PTCHD4: variants seen among roughly 807,000 people sequenced by gnomAD.
PTCHD4 encodes the protein patched domain containing 4, also known as patched domain-containing protein 4.
Under a neutral mutation model 58.1 loss-of-function variants are expected in PTCHD4, and 33 were observed. The observed-to-expected ratio is 0.57, with a 90% CI of 0.43 to 0.76. The LOEUF is 0.76. PTCHD4 is among the 30% of genes least tolerant of loss of function. PTCHD4 has a pLI of 0.00. For synonymous variants in PTCHD4, 478 were observed against 409.6 expected (o/e 1.17, Z -2.02); for missense variants, 1,058 against 1,027.1 (o/e 1.03, Z -0.41).
chr6:48,068,360 C>G lies in PTCHD4; in HGVS notation c.287G>C (p.Ser96Thr). Residue 96 changes from serine (S) to threonine (T), a missense_variant, in exon 3 of 5, where the codon AGC (serine) becomes ACC (threonine). Physicochemically the swap from Ser to Thr is moderately conservative, Grantham distance 58 (BLOSUM62 1). Coordinates refer to ENST00000339488, the MANE Select transcript of PTCHD4 (RefSeq NM_001384253.1). This position sits in a 1 kb window ranked among gnomAD's most constrained non-coding sequence, Gnocchi z 4.2. ...GGTGTGTAAGTCCGAATAGAGCTGG[C>G]TTTTGGACTGGTCCAGGGGGAAAAG... ...SSLFPLDQSK[S>T]QLYSDLHTPG... is the part of the protein sequence containing the mutation. 1 of 1,613,976 alleles carries G rather than the reference C, an allele frequency of 6.2e-7. No homozygotes were observed. The highest frequency in any genetic ancestry group is 8.5e-7 in the Non-Finnish European group (1 of 1,179,882).
In PTCHD4 at chr6:48,007,627, T is replaced by C. The variant is rs148407222; in HGVS notation, c.898+1007A>G. On this transcript the variant is annotated intron_variant, in intron 4 of 4. Coordinates refer to ENST00000339488, the MANE Select transcript of PTCHD4 (RefSeq NM_001384253.1). ...AATATATAATTGTCTGTTTTCCTCATAGATCTTTCCATTACCTAATTAGTT... is the reference window on the plus strand; with the variant it reads ...AATATATAATTGTCTGTTTTCCTCACAGATCTTTCCATTACCTAATTAGTT... Among the ~76,000 whole-genome samples, 231 of 152,336 alleles carry C rather than the reference T, an allele frequency of 1.5e-3. 4 individuals carry two copies. Among genetic ancestry groups the C allele is most frequent in the African/African-American group, 5.3e-3 (221 of 41,588 alleles).
At chr6:47,935,948 G>A (rs994809356) in intron 4 of PTCHD4, among the ~76,000 whole-genome samples, 6 of 152,308 alleles carry the variant, frequency 3.9e-5, no homozygotes, top group Middle Eastern at 3.4e-3. Context: ...ATCACATAGG[G>A]TGATAAGGTG....
At chr6:47,899,458 T>C (rs572581887) in intron 4 of PTCHD4, among the ~76,000 whole-genome samples, 1 of 152,320 alleles carries the variant, frequency 6.6e-6, no homozygotes, top group South Asian at 2.1e-4. Context: ...GAATGTTGTA[T>C]AGCTGTTGAA....
At chr6:48,103,126 T>G (rs910464352) in intron 1 of PTCHD4, among the ~76,000 whole-genome samples, 3 of 152,188 alleles carry the variant, frequency 2.0e-5, no homozygotes, top group African/African-American at 7.2e-5. Flanking sequence ...AGCATGCAGC[T>G]TGAGATCTGA....
At chr6:47,980,655 A>G (rs1767853880) in intron 4 of PTCHD4, among the ~76,000 whole-genome samples, 1 of 151,992 alleles carries the variant, frequency 6.6e-6, no homozygotes, top group Non-Finnish European at 1.5e-5. Flanking sequence ...ACTTTGCATG[A>G]AATTTTATTT....
At chr6:47,981,300 C>T (rs973674106) in intron 4 of PTCHD4, among the ~76,000 whole-genome samples, 5 of 151,976 alleles carry the variant, frequency 3.3e-5, no homozygotes, top group Non-Finnish European at 7.4e-5. Context: ...AATATGTTTT[C>T]GCTCTTGTTT....
chr6:47,969,930 A>G (rs1767439698), intron 4 of PTCHD4, among the ~76,000 whole-genome samples: 1 of 152,202 alleles, frequency 6.6e-6, no homozygotes, highest in Non-Finnish European at 1.5e-5. Flanking sequence ...AATACCGTCA[A>G]ATATAACCAA....
chr6:48,033,121 T>C (rs1763510195), intron 3 of PTCHD4, among the ~76,000 whole-genome samples: 1 of 152,116 alleles, frequency 6.6e-6, no homozygotes, highest in Non-Finnish European at 1.5e-5. Flanking sequence ...TACATGAAAT[T>C]CAAAAATTTG....
Position 47,888,238 on chromosome 6 carries a change from T to A in PTCHD4, c.899-8302A>T, listed in dbSNP as rs7747781. 6.9e-3 allele frequency among the ~76,000 whole-genome samples: 1,046 copies of A among 152,032 alleles called. 7 individuals carry two copies. The highest frequency in any genetic ancestry group is 0.026 in the South Asian group (123 of 4,802). Reference sequence around the variant, plus strand: ...CGGGTGTGGTGGTGGGCGCCTATAGTCCCAGCTACTTGGGAGGCTGAGGCA... The same window carrying A: ...CGGGTGTGGTGGTGGGCGCCTATAGACCCAGCTACTTGGGAGGCTGAGGCA... On this transcript the variant is annotated intron_variant, in intron 4 of 4. Coordinates refer to ENST00000339488, the MANE Select transcript of PTCHD4 (RefSeq NM_001384253.1).
At chr6:48,057,760 G>A (rs1049374352) in intron 3 of PTCHD4, among the ~76,000 whole-genome samples, 2 of 152,208 alleles carry the variant, frequency 1.3e-5, no homozygotes, top group African/African-American at 4.8e-5. Context: ...AAACTACAAG[G>A]GAACTTGAAG....
chr6:48,082,387 T>A (rs1461608877), intron 1 of PTCHD4, among the ~76,000 whole-genome samples: 2 of 152,188 alleles, frequency 1.3e-5, no homozygotes, highest in Non-Finnish European at 2.9e-5. Flanking sequence ...TCTCAATTCC[T>A]CAGTCATTTC....
intron 4 of PTCHD4, among the ~76,000 whole-genome samples, chr6:47,960,724 T>C (rs538318712): frequency 8.5e-4 from 130 of 152,152 alleles, no homozygotes; most frequent in African/African-American, 2.8e-3. Context: ...TTAGAATTAC[T>C]AATTCTAACA....
chr6:48,008,868 C>T lies in PTCHD4; in HGVS notation c.664G>A (p.Asp222Asn), dbSNP rs2114083831. The T allele has an allele frequency of 2.5e-6, 4 of 1,613,982 alleles. No individual in the cohort carries two copies. The highest frequency in any genetic ancestry group is 1.7e-5 in the Admixed American group (1 of 59,996). ...YSLASFSLWR[D>N]FHKTSILARS... ...GCCAGGATGCTGGTCTTATGAAAGT[C>T]CCTCCAGAGGCTAAAGGATGCTAAA... Residue 222 changes from aspartate (D) to asparagine (N), a missense_variant, in exon 4 of 5, where the codon GAC becomes AAC. Asp to Asn is a conservative substitution (Grantham distance 23, BLOSUM62 1). Transcript: ENST00000339488.
At chr6:48,012,199 A>G (rs974399606) in intron 3 of PTCHD4, among the ~76,000 whole-genome samples, 55 of 152,202 alleles carry the variant, frequency 3.6e-4, no homozygotes, top group Admixed American at 1.4e-3. Context: ...CTTCCTATCC[A>G]TGAGCATGGA....
chr6:47,956,624 G>C (rs1300113475), intron 4 of PTCHD4, among the ~76,000 whole-genome samples: 3 of 151,852 alleles, frequency 2.0e-5, no homozygotes, highest in Non-Finnish European at 2.9e-5. Context: ...TAGTAGAGAC[G>C]GGGTTTCACC....
Position 47,860,477 on chromosome 6 carries a change from T to C in PTCHD4, c.*17826A>G, listed in dbSNP as rs1763398751. On this transcript the variant is annotated 3_prime_UTR_variant, in exon 5 of 5. Transcript: ENST00000339488. ...TGATTTTGTTTAGTAATCTACATCATTGCTTATCCCAACTTAGAGCTTATA... is the reference window on the plus strand; with the variant it reads ...TGATTTTGTTTAGTAATCTACATCACTGCTTATCCCAACTTAGAGCTTATA... Among the ~76,000 whole-genome samples the C allele has an allele frequency of 6.6e-6, 1 of 152,032 alleles. No individual in the cohort carries two copies. The highest frequency in any genetic ancestry group is 1.5e-5 in the Non-Finnish European group (1 of 67,956).
rs548143778 is a variant in PTCHD4, at chr6:48,011,616, C to T, written c.418-2502G>A. 2.5e-3 allele frequency among the ~76,000 whole-genome samples: 386 copies of T among 152,198 alleles called. 2 individuals are homozygous for T. Among genetic ancestry groups the T allele is most frequent in the African/African-American group, 8.6e-3 (359 of 41,546 alleles). On this transcript the variant is annotated intron_variant, in intron 3 of 4. Transcript: ENST00000339488. ...TCAATTTTGGCTTTTGTTGCCATTG[C>T]TTTTGGTGTTTTAGTCATGAGGTCT... is the stretch of plus-strand genomic sequence containing the variant.
intron 4 of PTCHD4, among the ~76,000 whole-genome samples, chr6:48,003,561 C>T (rs1768822241): frequency 6.6e-6 from 1 of 152,184 alleles, no homozygotes; most frequent in African/African-American, 2.4e-5. Context: ...ATATCCCACG[C>T]AAAATTTGCA....
chr6:48,019,727 C>T (rs1459139842), intron 3 of PTCHD4, among the ~76,000 whole-genome samples: 4 of 146,020 alleles, frequency 2.7e-5, no homozygotes, highest in Non-Finnish European at 4.5e-5. Context: ...CAGAGCGAGA[C>T]TCCGTCTCAA....
Sources: gnomAD v4.1 joint callset for allele counts (sites outside exome capture counted in the v4.1 genomes callset) on GRCh38, gnomAD v4.1.1 for gene constraint, Gnocchi (gnomAD v3.1) non-coding constraint, MANE v1.5 for transcripts, NCBI Gene and HGNC (gene_info 2026-07-23, HGNC 2026-07-21) for gene names.